Variants in CCDC148 observed in about 807,000 individuals in gnomAD.
The protein encoded by CCDC148 is coiled-coil domain containing 148, also known as coiled-coil domain-containing protein 148.
CCDC148 carries 89 observed loss-of-function variants against 85.7 expected under a neutral mutation model. The ratio of observed to expected loss-of-function variants is 1.04; its 90% CI spans 0.87 to 1.24. The LOEUF is 1.24. CCDC148 is among the 50% of genes most tolerant of loss of function. The probability of loss-of-function intolerance (pLI) is 0.00; values close to 1 mark genes in which losing one functional copy is unlikely to be tolerated. For synonymous variants in CCDC148, 230 were observed against 213.9 expected, an observed-to-expected ratio of 1.08 and a Z score of -0.66; for missense variants, 692 against 671.7, an observed-to-expected ratio of 1.03 and a Z score of -0.33.
At chr2:158,229,190 A>G (rs1687725325) in intron 10 of CCDC148, among the ~76,000 whole-genome samples, 1 of 152,144 alleles carries the variant, frequency 6.6e-6, no homozygotes, top group Non-Finnish European at 1.5e-5. Flanking sequence ...CATTGAAAAC[A>G]GTTCCAACTG....
chr2:158,358,984 A>G (rs949756806), intron 1 of CCDC148, among the ~76,000 whole-genome samples: 1 of 152,168 alleles, frequency 6.6e-6, no homozygotes, highest in Non-Finnish European at 1.5e-5. Flanking sequence ...TTTCAGTCAT[A>G]GATGCATTTT....
At chr2:158,319,607 G>C (rs529779364) in intron 7 of CCDC148, among the ~76,000 whole-genome samples, 1 of 152,302 alleles carries the variant, frequency 6.6e-6, no homozygotes, top group African/African-American at 2.4e-5. Flanking sequence ...TAGACTTCTT[G>C]TTAAATAAGA....
In CCDC148 at chr2:158,180,252, C is replaced by T. The variant is rs545146254; in HGVS notation, c.1371-1256G>A. On this transcript the variant is annotated intron_variant, in intron 11 of 13. Transcript: ENST00000283233. ...GATTCTGGTATTTACTGCGTGTTCA[C>T]CCTGCATCAGGTCTTGTGCTAAGTG... Among the ~76,000 whole-genome samples the T allele has an allele frequency of 3.9e-5, 6 of 152,294 alleles. No individual in the cohort carries two copies. The South Asian group carries it at 1.2e-3, about 32-fold the overall frequency.
intron 9 of CCDC148, among the ~76,000 whole-genome samples, chr2:158,293,564 GT>G (rs1219783461): frequency 3.3e-5 from 5 of 152,106 alleles, no homozygotes; most frequent in African/African-American, 9.7e-5. Context: ...TTAACAAAAT[GT>G]TTTTTTCCCC....
chr2:158,306,488 C>G (rs1281227018), intron 9 of CCDC148, among the ~76,000 whole-genome samples: 1 of 152,086 alleles, frequency 6.6e-6, no homozygotes, highest in African/African-American at 2.4e-5. Flanking sequence ...CCATGGAATA[C>G]TATGCAGCCA....
chr2:158,367,102 C>T (rs971213404), intron 1 of CCDC148, among the ~76,000 whole-genome samples: 3 of 152,100 alleles, frequency 2.0e-5, no homozygotes, highest in African/African-American at 7.2e-5. Flanking sequence ...TGTAAATGCA[C>T]TCAGCAGCCA....
intron 9 of CCDC148, among the ~76,000 whole-genome samples, chr2:158,266,905 TAC>T (rs139137621): frequency 0.31 from 43,900 of 139,926 alleles, 7,573 homozygotes; most frequent in Middle Eastern, 0.51. Context: ...CATATATATA[TAC>T]ACACACATAT....
At chr2:158,268,200 C>G (rs1207120631) in intron 9 of CCDC148, among the ~76,000 whole-genome samples, 1 of 152,174 alleles carries the variant, frequency 6.6e-6, no homozygotes, top group Non-Finnish European at 1.5e-5. Context: ...GCCTGTCCGT[C>G]AGCAATGCAT....
intron 13 of CCDC148, among the ~76,000 whole-genome samples, chr2:158,175,092 T>C (rs1035166157): frequency 9.2e-5 from 14 of 152,032 alleles, no homozygotes; most frequent in African/African-American, 3.1e-4. Flanking sequence ...CCCCTTGTCA[T>C]GTATCTTACA....
chr2:158,172,042 G>A lies in CCDC148; in HGVS notation c.*71C>T. 1 of 1,098,776 alleles carries A rather than the reference G, an allele frequency of 9.1e-7. No individual in the cohort carries two copies. Among genetic ancestry groups the A allele is most frequent in the Non-Finnish European group, 1.3e-6 (1 of 777,428 alleles). The allele number at this position is 1,098,776 out of a possible 1,614,324, so 68.1% of individuals were successfully genotyped here. ...GATATTTCAAACATTTTAGAAAGTA[G>A]TAATTATTATTATCCATATACATGT... On this transcript the variant is annotated 3_prime_UTR_variant, in exon 14 of 14. Coordinates refer to ENST00000283233, the MANE Select transcript of CCDC148 (RefSeq NM_138803.4).
chr2:158,304,388 AG>A (rs1487898569), intron 9 of CCDC148, among the ~76,000 whole-genome samples: 1 of 152,152 alleles, frequency 6.6e-6, no homozygotes, highest in Non-Finnish European at 1.5e-5. Context: ...TGGGCTTTCC[AG>A]GAAAGATGCT....
intron 10 of CCDC148, among the ~76,000 whole-genome samples, chr2:158,233,140 C>G (rs753687319): frequency 6.6e-6 from 1 of 152,046 alleles, no homozygotes; most frequent in Admixed American, 6.6e-5. Flanking sequence ...GAAATTTGTA[C>G]AATCACTATG....
chr2:158,356,488 C>T (rs1293742366), intron 2 of CCDC148, among the ~76,000 whole-genome samples: 1 of 151,930 alleles, frequency 6.6e-6, no homozygotes, highest in Non-Finnish European at 1.5e-5. Flanking sequence ...AAATGCTCAT[C>T]ATCACTGGCC....
At chr2:158,246,595 T>C (rs78694377) in intron 10 of CCDC148, among the ~76,000 whole-genome samples, 157 of 152,282 alleles carry the variant, frequency 1.0e-3, no homozygotes, top group African/African-American at 3.5e-3. Context: ...GGACCCAGTA[T>C]AGGTCTGCAT....
chr2:158,269,655 C>G (rs116782472), intron 9 of CCDC148, among the ~76,000 whole-genome samples: 16 of 152,186 alleles, frequency 1.1e-4, no homozygotes, highest in Admixed American at 3.9e-4. Context: ...TTCTCTGTGG[C>G]TCCTCACAGG....
chr2:158,177,753 G>T (rs1328820211), intron 12 of CCDC148, among the ~76,000 whole-genome samples: 1 of 152,102 alleles, frequency 6.6e-6, no homozygotes, highest in Admixed American at 6.6e-5. Context: ...CAAAGAAGAT[G>T]ATGATATAAT....
intron 11 of CCDC148, among the ~76,000 whole-genome samples, chr2:158,202,502 T>C (rs1470732433): frequency 2.6e-5 from 4 of 152,218 alleles, no homozygotes; most frequent in Non-Finnish European, 5.9e-5. Flanking sequence ...AATACTGATG[T>C]TCCCCGCTTC....
chr2:158,340,004 G>A (rs977397887), intron 5 of CCDC148, among the ~76,000 whole-genome samples: 1 of 152,178 alleles, frequency 6.6e-6, no homozygotes, highest in African/African-American at 2.4e-5. Flanking sequence ...TGAAAGCAGG[G>A]AAGCCAGTTA....
intron 1 of CCDC148, among the ~76,000 whole-genome samples, chr2:158,438,468 A>C (rs1204946431): frequency 1.3e-5 from 2 of 152,226 alleles, no homozygotes; most frequent in South Asian, 2.1e-4. Flanking sequence ...TTACACAAAA[A>C]TTAATTCAAG....
Sources: allele counts gnomAD v4.1 joint callset (sites outside exome capture counted in the v4.1 genomes callset), GRCh38; gene constraint gnomAD v4.1.1; transcripts MANE v1.5; gene names NCBI Gene and HGNC (gene_info 2026-07-23, HGNC 2026-07-21).